The following LOXL2 variants were observed in gnomAD, a reference collection of about 807,000 sequenced individuals.
LOXL2 encodes lysyl oxidase like 2, also known as lysyl oxidase homolog 2.
A neutral mutation model predicts 93.0 loss-of-function variants in LOXL2; 70 were observed. The ratio of observed to expected loss-of-function variants is 0.75; its 90% confidence interval spans 0.62 to 0.92. The LOEUF is 0.92. Ranked by LOEUF, LOXL2 falls within the 40% of genes least tolerant of loss-of-function variation. The pLI, the probability that LOXL2 is intolerant of heterozygous loss-of-function variation, is 0.00. For missense variants in LOXL2, 973 were observed against 1,054.9 expected (o/e 0.92, Z 1.08); for synonymous variants, 438 against 413.2 (o/e 1.06, Z -0.73).
In LOXL2 at chr8:23,305,972, G is replaced by A. The variant is rs188521484; in HGVS notation, c.1881-2575C>T. Reference sequence around the variant, plus strand: ...GACTACAGAGCACGCCACCATGCCTGGCAAATTTTTGTATTTTTAGTAAAG... The same window carrying A: ...GACTACAGAGCACGCCACCATGCCTAGCAAATTTTTGTATTTTTAGTAAAG... On this transcript the variant is annotated intron_variant, in intron 10 of 13. Coordinates refer to ENST00000389131, the MANE Select transcript of LOXL2 (RefSeq NM_002318.3). 1.8e-4 allele frequency among the ~76,000 whole-genome samples: 27 copies of A among 152,068 alleles called. No individual in the cohort carries two copies. In the East Asian group the frequency reaches 4.1e-3, roughly 23 times the overall value.
intron 3 of LOXL2, among the ~76,000 whole-genome samples, chr8:23,345,856 C>T (rs1225742491): frequency 6.6e-6 from 1 of 151,948 alleles, no homozygotes; most frequent in Non-Finnish European, 1.5e-5. Context: ...ATCACGAGGT[C>T]AGGAGATTGG....
chr8:23,392,266 G>A (rs1462181404), intron 1 of LOXL2, among the ~76,000 whole-genome samples: 1 of 152,170 alleles, frequency 6.6e-6, no homozygotes, highest in East Asian at 1.9e-4. Flanking sequence ...AGTTCACTAA[G>A]AGCCCATGAT....
At chr8:23,305,298 G>C (rs9969398) in intron 10 of LOXL2, among the ~76,000 whole-genome samples, 15,303 of 152,224 alleles carry the variant, frequency 0.1, 2,005 homozygotes, top group African/African-American at 0.31. Flanking sequence ...CCGTCCCACT[G>C]CTGGGCTTCC....
At chr8:23,380,680 G>C (rs56188827) in intron 1 of LOXL2, among the ~76,000 whole-genome samples, 14,417 of 151,926 alleles carry the variant, frequency 0.095, 940 homozygotes, top group Non-Finnish European at 0.14. Flanking sequence ...AGTTACACAA[G>C]CTGGTGAAAA....
intron 1 of LOXL2, among the ~76,000 whole-genome samples, chr8:23,374,781 AC>A (rs2117219934): frequency 6.6e-6 from 1 of 152,148 alleles, no homozygotes; most frequent in Non-Finnish European, 1.5e-5. Flanking sequence ...TCCTTCACCT[AC>A]TTTTTGATGG....
chr8:23,341,352 C>G (rs1803880653), intron 3 of LOXL2, 149 bp from the exon 4 acceptor site: 2 of 666,530 alleles, frequency 3.0e-6, no homozygotes, highest in African/African-American at 3.6e-5. Context: ...TCTGGGCAAC[C>G]CCGAGGGGCA....
intron 3 of LOXL2, among the ~76,000 whole-genome samples, chr8:23,349,656 T>G (rs1804058420): frequency 6.6e-6 from 1 of 152,068 alleles, no homozygotes; most frequent in South Asian, 2.1e-4. Context: ...CTGACTATCT[T>G]GCACTAGGGT....
Position 23,297,980 on chromosome 8 carries a change from G to C in LOXL2, c.*63C>G. On this transcript the variant is annotated 3_prime_UTR_variant, in exon 14 of 14. Transcript: ENST00000389131. ...TGGCATTCGTTCAGACTCAGTTGTT[G>C]GGGGGAAGTCCCATGGAAGATGTGG... is the stretch of plus-strand genomic sequence containing the variant. 1.4e-6 allele frequency: 2 copies of C among 1,393,608 alleles called. No individual in the cohort carries two copies. Among genetic ancestry groups the C allele is most frequent in the East Asian group, 4.6e-5 (2 of 43,418 alleles). The allele number at this position is 1,393,608 out of a possible 1,614,324, so 86.3% of individuals were successfully genotyped here. A position where few individuals can be genotyped will look rare whatever the true frequency, so the allele number is the denominator to read the frequency against.
Position 23,319,877 on chromosome 8 carries a change from C to A in LOXL2, c.1470+8G>T, listed in dbSNP as rs1803466121. ...GTGAATGCGGGGTCTGAGGCCGGGG[C>A]TTCTCACCTGGAAGGCGTTGCTGGC... On this transcript the variant is annotated splice_region_variant and intron_variant, in intron 8 of 13. Transcript: ENST00000389131. 6.2e-7 allele frequency: 1 copy of A among 1,612,392 alleles called. No homozygotes were observed. The highest frequency in any genetic ancestry group is 8.5e-7 in the Non-Finnish European group (1 of 1,179,644).
chr8:23,366,911 G>A (rs924333893), intron 2 of LOXL2, among the ~76,000 whole-genome samples: 2 of 152,194 alleles, frequency 1.3e-5, no homozygotes, highest in Non-Finnish European at 2.9e-5. Context: ...ACTTCCAGAT[G>A]GGGAAAATGA....
At chr8:23,397,960 CAAAAAA>C (rs11295140) in intron 1 of LOXL2, among the ~76,000 whole-genome samples, 1 of 91,016 alleles carries the variant, frequency 1.1e-5, no homozygotes, top group African/African-American at 4.1e-5. Context: ...GACTCTGTCT[CAAAAAA>C]AAAAAAAAAA....
In LOXL2 at chr8:23,333,563, T is replaced by G. The variant is rs764389113; in HGVS notation, c.804A>C (p.Thr268=). 20 of 1,613,814 alleles carry G rather than the reference T, an allele frequency of 1.2e-5. No individual in the cohort carries two copies. In the Admixed American group the frequency reaches 2.3e-4, roughly 19 times the overall value. The change falls in exon 5 of 14, where the codon ACA becomes ACC. Residue 268 remains threonine (T), a synonymous_variant. Coordinates refer to ENST00000389131, the MANE Select transcript of LOXL2 (RefSeq NM_002318.3). Reference sequence around the variant, plus strand: ...GCTTGCAGCTGGAGATGTGGGCCTCTGTGCCGGTGCAGTCCATGGAGAATG... The same window carrying G: ...GCTTGCAGCTGGAGATGTGGGCCTCGGTGCCGGTGCAGTCCATGGAGAATG... The part of the protein sequence containing the change: ...YWPFSMDCTG[T]EAHISSCKLG...
At position 23,309,885 on chromosome 8, in the gene LOXL2, C is replaced by T. The variant is rs1479518871; in HGVS notation, c.1663G>A (p.Glu555Lys). ...ETAPDLVLNA[E>K]MVQQTTYLED... ...AGGTAGGTGGTCTGCTGCACCATCTCCGCATTGAGGACCAGGTCAGGGGCG... is the reference window on the plus strand; with the variant it reads ...AGGTAGGTGGTCTGCTGCACCATCTTCGCATTGAGGACCAGGTCAGGGGCG... The change falls in exon 10 of 14, where the codon GAG (glutamate) becomes AAG (lysine). Residue 555 changes from glutamate (E) to lysine (K), a missense_variant. Transcript: ENST00000389131. 2 of 1,542,870 alleles carry T rather than the reference C, an allele frequency of 1.3e-6. No homozygotes were observed. Among genetic ancestry groups the T allele is most frequent in the Admixed American group, 3.8e-5 (2 of 52,808 alleles).
At chr8:23,317,926 C>G (rs567106383) in intron 8 of LOXL2, among the ~76,000 whole-genome samples, 64 of 150,982 alleles carry the variant, frequency 4.2e-4, no homozygotes, top group South Asian at 1.3e-3. Flanking sequence ...TCGTCAGAGA[C>G]AGACCATCAG....
At chr8:23,343,053 T>TTCTAAAACACAGA (rs1803909912) in intron 3 of LOXL2, among the ~76,000 whole-genome samples, 1 of 152,194 alleles carries the variant, frequency 6.6e-6, no homozygotes, top group South Asian at 2.1e-4. Flanking sequence ...AGCTGGCTCT[T>TTCTAAAACACAGA]TCTAAAACAC....
In LOXL2 at chr8:23,341,167, C is replaced by CTCGAA; in HGVS notation, c.563_567dup (p.Ala190PhefsTer14). 1 of 1,613,672 alleles carries CTCGAA rather than the reference C, an allele frequency of 6.2e-7. No homozygotes were observed. The highest frequency in any genetic ancestry group is 8.5e-7 in the Non-Finnish European group (1 of 1,180,030). ...CGCTTGCGGTAGGTTGAGAGGATGG[C>CTCGAA]TCGAATCCGAATGTCCTCCACCTGG... On this transcript the variant is annotated frameshift_variant, in exon 4 of 14. Transcript: ENST00000389131. LOFTEE classifies it high-confidence loss of function.
chr8:23,381,950 A>G (rs1456743185), intron 1 of LOXL2, among the ~76,000 whole-genome samples: 1 of 152,238 alleles, frequency 6.6e-6, no homozygotes, highest in Non-Finnish European at 1.5e-5. Context: ...GTTGGATAAT[A>G]ACAGGAGATG....
At chr8:23,319,160 G>A (rs1159981654) in intron 8 of LOXL2, among the ~76,000 whole-genome samples, 4 of 152,220 alleles carry the variant, frequency 2.6e-5, no homozygotes, top group African/African-American at 9.6e-5. Context: ...CCATGTCACA[G>A]GGAGGACAAC....
chr8:23,344,891 T>A (rs1431832651), intron 3 of LOXL2, among the ~76,000 whole-genome samples: 15 of 152,200 alleles, frequency 9.9e-5, no homozygotes. Context: ...AAGGCTCAAA[T>A]CTACCGTATG....
Sources: allele counts gnomAD v4.1 joint callset (sites outside exome capture counted in the v4.1 genomes callset), GRCh38; gene constraint gnomAD v4.1.1; transcripts MANE v1.5; gene names NCBI Gene and HGNC (gene_info 2026-07-23, HGNC 2026-07-21).